PIK3CD: variants seen among roughly 807,000 people sequenced by gnomAD.
PIK3CD encodes the protein phosphatidylinositol 4,5-bisphosphate 3-kinase catalytic subunit delta isoform.
In PIK3CD, 20 loss-of-function variants were observed where a neutral mutation model predicts 122.9. The observed-to-expected ratio is 0.16, with a 90% CI of 0.11 to 0.24. The LOEUF (loss-of-function observed/expected upper bound fraction) is 0.24, where lower values mean the gene tolerates loss of function less well. Among genes scored for constraint, PIK3CD ranks in the 10% least tolerant of loss-of-function variants. PIK3CD has a pLI of 1.00. For missense variants in PIK3CD, 787 were observed against 1,406.3 expected, an observed-to-expected ratio of 0.56 and a Z score of 7.04; for synonymous variants, 596 against 593.4, an observed-to-expected ratio of 1.00 and a Z score of -0.06.
rs779226622 is a variant in PIK3CD at position 9,716,483 on chromosome 1, C to T, written c.644C>T (p.Ala215Val). 26 of 1,610,990 alleles carry T rather than the reference C, an allele frequency of 1.6e-5. No individual in the cohort carries two copies. Among genetic ancestry groups the T allele is most frequent in the East Asian group, 2.2e-5 (1 of 44,896 alleles). Residue 215 changes from alanine to valine, a missense_variant, in exon 6 of 24, where the codon GCG (alanine) becomes GTG (valine). Transcript: ENST00000377346. The stretch of plus-strand genomic sequence containing the variant: ...GTGTCCACCAAGGACGTGCCGCTGG[C>T]GCTGATGGCCTGTGCCCTGCGGAAG... ...FQVSTKDVPLALMACALRKKA... is the reference protein window; with the variant it reads ...FQVSTKDVPLVLMACALRKKA...
At chr1:9,693,559 CTTTTA>C (rs1284779520) in intron 2 of PIK3CD, among the ~76,000 whole-genome samples, 2 of 152,050 alleles carry the variant, frequency 1.3e-5, no homozygotes, top group Non-Finnish European at 2.9e-5. Flanking sequence ...TAAAACTTGA[CTTTTA>C]TTTATTAGTA....
At position 9,722,574 on chromosome 1, in the gene PIK3CD, C is replaced by T. The variant is rs758830852; in HGVS notation, c.2394C>T (p.Asp798=). The T allele has an allele frequency of 1.2e-5, 20 of 1,613,688 alleles. No individual in the cohort carries two copies. The highest frequency in any genetic ancestry group is 6.6e-5 in the South Asian group (6 of 91,086). ...CCCTGCAGATGATCCAGCTCATGGA[C>T]GTCCTGTGGAAGCAGGAGGGGCTGG... ...MLTLQMIQLM[D]VLWKQEGLDL... The change falls in exon 19 of 24, where the codon GAC becomes GAT. Residue 798 remains aspartate (D), a synonymous_variant. Coordinates refer to ENST00000377346, the MANE Select transcript of PIK3CD (RefSeq NM_005026.5). The surrounding 1 kb of genome is among the most constrained non-coding windows in gnomAD (Gnocchi z 7.6).
At chr1:9,653,246 C>T (rs1644734297) in intron 1 of PIK3CD, 1 of 157,900 alleles carries the variant, frequency 6.3e-6, no homozygotes, top group Admixed American at 6.0e-5. Flanking sequence ...CCTGACGGTG[C>T]CTTGGTGTTC....
chr1:9,638,268 A>T, the PIK3CD span, among the ~76,000 whole-genome samples: 9 of 152,250 alleles, frequency 5.9e-5, no homozygotes, highest in South Asian at 8.3e-4. Flanking sequence ...GCAACCGCCC[A>T]GATAGATTGC....
intron 3 of PIK3CD, among the ~76,000 whole-genome samples, chr1:9,713,335 C>T (rs2100812012): frequency 6.6e-6 from 1 of 151,978 alleles, no homozygotes; most frequent in Admixed American, 6.6e-5. Context: ...AGTGAAACCC[C>T]GTCTGTAAAA....
chr1:9,709,628 C>A (rs1359621837), intron 2 of PIK3CD, among the ~76,000 whole-genome samples: 4 of 151,930 alleles, frequency 2.6e-5, no homozygotes, highest in East Asian at 1.9e-4. Flanking sequence ...TCGCTTGAAC[C>A]TAGGAATTTG....
the PIK3CD span, among the ~76,000 whole-genome samples, chr1:9,638,415 A>T: frequency 2.6e-4 from 40 of 151,710 alleles, 1 homozygote; most frequent in Middle Eastern, 6.8e-3. Context: ...GAACCTCCAA[A>T]CCCGCTTCCG....
At chr1:9,630,855 C>T in the PIK3CD span, among the ~76,000 whole-genome samples, 1 of 152,070 alleles carries the variant, frequency 6.6e-6, no homozygotes, top group African/African-American at 2.4e-5. Flanking sequence ...CAAGTCCCGG[C>T]TCCTGGCCCA....
chr1:9,676,280 G>T (rs1203196168), intron 1 of PIK3CD, among the ~76,000 whole-genome samples: 1 of 152,092 alleles, frequency 6.6e-6, no homozygotes, highest in Non-Finnish European at 1.5e-5. Flanking sequence ...TTGCTAAGTT[G>T]CCCAGGCTGG....
At chr1:9,706,728 T>C (rs892973103) in intron 2 of PIK3CD, among the ~76,000 whole-genome samples, 1 of 152,172 alleles carries the variant, frequency 6.6e-6, no homozygotes, top group Non-Finnish European at 1.5e-5. Flanking sequence ...CTTGTGGCTA[T>C]ATTGGGTTAA....
chr1:9,633,377 G>A, the PIK3CD span, among the ~76,000 whole-genome samples: 2 of 152,222 alleles, frequency 1.3e-5, no homozygotes, highest in Non-Finnish European at 2.9e-5. Context: ...GCGCAGTCTC[G>A]GCTCACTGCA....
At position 9,710,879 on chromosome 1, in the gene PIK3CD, G is replaced by A. The variant is rs1318124291; in HGVS notation, c.141+283G>A. On this transcript the variant is annotated intron_variant, in intron 3 of 23. Coordinates refer to ENST00000377346, the MANE Select transcript of PIK3CD (RefSeq NM_005026.5). This position sits in a 1 kb window ranked among gnomAD's most constrained non-coding sequence, Gnocchi z 4.7. ...CGGCTCACTGCAACCTCCAACTCCC[G>A]GGTTCAAGAGATTCTTCCGCCTCAG... is the stretch of plus-strand genomic sequence containing the variant. Among the ~76,000 whole-genome samples, 2 of 152,214 alleles carry A rather than the reference G, an allele frequency of 1.3e-5. No individual in the cohort carries two copies. The highest frequency in any genetic ancestry group is 1.9e-4 in the East Asian group (1 of 5,184).
At position 9,727,078 on chromosome 1, in the gene PIK3CD, G is replaced by A. The variant is rs200966951; in HGVS notation, c.*32G>A. The A allele has an allele frequency of 4.6e-5, 74 of 1,613,744 alleles. No individual in the cohort carries two copies. The African/African-American group carries it at 9.5e-4, about 21-fold the overall frequency. On this transcript the variant is annotated 3_prime_UTR_variant, in exon 24 of 24. Transcript: ENST00000377346. ...CTCCCAGCCCTGGGCCCAAGAGGAGGCGGCTGCGGGTCGTGGGGACCAAGC... is the reference window on the plus strand; with the variant it reads ...CTCCCAGCCCTGGGCCCAAGAGGAGACGGCTGCGGGTCGTGGGGACCAAGC...
rs78908019 is a variant in PIK3CD at position 9,727,387 on chromosome 1, G to A, written c.*341G>A. 4.6e-3 allele frequency: 1,986 copies of A among 432,556 alleles called. 31 individuals are homozygous for A. Among genetic ancestry groups the A allele is most frequent in the African/African-American group, 0.035 (1,772 of 50,340 alleles). 26.8% of individuals were successfully genotyped at this position (432,556 alleles called of 1,614,324 possible). ...AGGGAACCTTCTTCCCAGGCCTCCC[G>A]CCAGACTGCCTGGGTCCTGGCGCCT... On this transcript the variant is annotated 3_prime_UTR_variant, in exon 24 of 24. Coordinates refer to ENST00000377346, the MANE Select transcript of PIK3CD (RefSeq NM_005026.5).
chr1:9,697,063 CAA>C (rs60416744), intron 2 of PIK3CD, among the ~76,000 whole-genome samples: 59 of 76,978 alleles, frequency 7.7e-4, no homozygotes, highest in Admixed American at 1.5e-3. Flanking sequence ...GATCCTGTCT[CAA>C]AAAAAAAAAA....
intron 1 of PIK3CD, among the ~76,000 whole-genome samples, chr1:9,658,640 C>G (rs1201695084): frequency 6.7e-6 from 1 of 149,434 alleles, no homozygotes; most frequent in Non-Finnish European, 1.5e-5. Flanking sequence ...GGAGATTCTC[C>G]TGCCTCAGCC....
chr1:9,672,168 G>C lies in PIK3CD; in HGVS notation c.-137-19299G>C, dbSNP rs115425304. On this transcript the variant is annotated intron_variant, in intron 1 of 23. Transcript: ENST00000377346. ...AGCCGCCCACCCCAACTGCGACCTC[G>C]CTTTGAAGCTTCAACTTCTATTTTT... 4.5e-3 allele frequency among the ~76,000 whole-genome samples: 689 copies of C among 152,256 alleles called. 3 individuals carry two copies. The highest frequency in any genetic ancestry group is 8.2e-3 in the Non-Finnish European group (555 of 68,014).
chr1:9,725,004 T>C, intron 23 of PIK3CD, 68 bp downstream of exon 23: 1 of 1,588,004 alleles, frequency 6.3e-7, no homozygotes, highest in South Asian at 1.1e-5. Flanking sequence ...CAATGTGACC[T>C]AGGAGGGCCC....
chr1:9,640,043 C>CCTTT, the PIK3CD span, among the ~76,000 whole-genome samples: 18 of 151,332 alleles, frequency 1.2e-4, no homozygotes, highest in African/African-American at 3.9e-4. Flanking sequence ...TGCCCGACCT[C>CCTTT]CTTTCTTTCT....
Sources: allele counts gnomAD v4.1 joint callset (sites outside exome capture counted in the v4.1 genomes callset), GRCh38; gene constraint gnomAD v4.1.1; non-coding constraint Gnocchi (gnomAD v3.1); transcripts MANE v1.5; gene names NCBI Gene and HGNC (gene_info 2026-07-23, HGNC 2026-07-21).